MAD2L2: variants seen among roughly 807,000 people sequenced by gnomAD.
MAD2L2 encodes mitotic arrest deficient 2 like 2, also known as mitotic spindle assembly checkpoint protein MAD2B.
Under a neutral mutation model 30.5 loss-of-function variants are expected in MAD2L2, and 17 were observed. That is an observed-to-expected ratio of 0.56 (90% CI 0.38 to 0.84). The LOEUF is 0.84. Among genes scored for constraint, MAD2L2 ranks in the 40% least tolerant of loss-of-function variants. The pLI is 0.00. For synonymous variants in MAD2L2, 101 were observed against 113.9 expected (o/e 0.89, Z 0.72); for missense variants, 213 against 277.4 (o/e 0.77, Z 1.65).
At chr1:11,686,567 A>AT (rs1435256060) in intron 1 of MAD2L2, among the ~76,000 whole-genome samples, 2 of 152,050 alleles carry the variant, frequency 1.3e-5, no homozygotes, top group South Asian at 4.2e-4. Context: ...CGCCTAGCTA[A>AT]TTTTTTTGTA....
At chr1:11,679,969 G>A (rs1055941625) in intron 3 of MAD2L2, among the ~76,000 whole-genome samples, 3 of 149,510 alleles carry the variant, frequency 2.0e-5, no homozygotes, top group African/African-American at 7.4e-5. Context: ...AGGTGGCTTG[G>A]CCCGAAGTGG....
At position 11,675,704 on chromosome 1, in the gene MAD2L2, G is replaced by A. The variant is rs139303308; in HGVS notation, c.455C>T (p.Thr152Met). 21 of 1,613,942 alleles carry A rather than the reference G, an allele frequency of 1.3e-5. No homozygotes were observed. In the African/African-American group the frequency reaches 2.0e-4, roughly 15 times the overall value. ...PGCTFTVLVHTREAATRNMEK... is the reference protein window; with the variant it reads ...PGCTFTVLVHMREAATRNMEK... ...CATGTTGCGAGTGGCGGCTTCTCTC[G>A]TGTGCACCAGGACTGTGAAGGTACA... The change falls in exon 7 of 9, where the codon ACG becomes ATG. Residue 152 changes from threonine (T) to methionine (M), a missense_variant. Physicochemically the swap from Thr to Met is moderately conservative, Grantham distance 81. Transcript: ENST00000376692.
At chr1:11,689,526 G>A (rs1388110282) in intron 1 of MAD2L2, among the ~76,000 whole-genome samples, 1 of 152,262 alleles carries the variant, frequency 6.6e-6, no homozygotes, top group East Asian at 1.9e-4. Context: ...AACCCGGGAG[G>A]TGGAGGTTGC....
chr1:11,676,966 C>G lies in MAD2L2; in HGVS notation c.232-18G>C. 6.3e-7 allele frequency: 1 copy of G among 1,593,922 alleles called. No homozygotes were observed. The highest frequency in any genetic ancestry group is 8.6e-7 in the Non-Finnish European group (1 of 1,161,700). On this transcript the variant is annotated intron_variant, in intron 4 of 8. Transcript: ENST00000376692. ...ACATCATTCTGCAAAGAGAGGAACCCCCACTGCAGAGCCAGGCACCCCACC... is the reference window on the plus strand; with the variant it reads ...ACATCATTCTGCAAAGAGAGGAACCGCCACTGCAGAGCCAGGCACCCCACC...
chr1:11,677,029 G>A, intron 4 of MAD2L2, 81 bp from the exon 5 acceptor site: 1 of 1,093,790 alleles, frequency 9.1e-7, no homozygotes, highest in South Asian at 1.3e-5. Context: ...CTTGCCCAAG[G>A]AAGGAGGAGA....
At chr1:11,677,736 C>A (rs1311441744) in intron 3 of MAD2L2, 122 bp from the exon 4 acceptor site, 1 of 745,830 alleles carries the variant, frequency 1.3e-6, no homozygotes, top group Non-Finnish European at 2.2e-6. Context: ...TCCAGGGCTC[C>A]CTACCCAGGA....
chr1:11,677,655 G>C, intron 3 of MAD2L2, 41 bp from the exon 4 acceptor site: 1 of 1,561,574 alleles, frequency 6.4e-7, no homozygotes, highest in Middle Eastern at 1.9e-4. Flanking sequence ...CCAAAGCACA[G>C]ATGGGGAAAC....
chr1:11,674,913 G>T lies in MAD2L2; in HGVS notation c.595-97C>A. On this transcript the variant is annotated intron_variant, in intron 8 of 8. Transcript: ENST00000376692. The surrounding 1 kb of genome is among the most constrained non-coding windows in gnomAD (Gnocchi z 6.1). ...CCTGGTGGGCAGACCTCCACCACAG[G>T]TGGGGCCTCGTGGCCATAGCCATGG... The T allele has an allele frequency of 1.4e-6, 2 of 1,431,522 alleles. No homozygotes were observed. The highest frequency in any genetic ancestry group is 2.0e-6 in the Non-Finnish European group (2 of 1,018,788). The allele number at this position is 1,431,522 out of a possible 1,614,324, so 88.7% of individuals were successfully genotyped here. A position where few individuals can be genotyped will look rare whatever the true frequency, so the allele number is the denominator to read the frequency against.
chr1:11,680,606 C>A lies in MAD2L2; in HGVS notation c.-5G>T, dbSNP rs759324529. 6.4e-7 allele frequency: 1 copy of A among 1,564,124 alleles called. No individual in the cohort carries two copies. The highest frequency in any genetic ancestry group is 8.7e-7 in the Non-Finnish European group (1 of 1,151,910). On this transcript the variant is annotated 5_prime_UTR_variant, in exon 2 of 9. Transcript: ENST00000376692. ...TTGTCGTGTGAGCGTGGTCATCCTT[C>A]CCGCTACCTGAGTGTTGGGGCAAGG...
intron 1 of MAD2L2, among the ~76,000 whole-genome samples, chr1:11,689,825 G>A (rs924012427): frequency 2.6e-5 from 4 of 151,904 alleles, no homozygotes; most frequent in Admixed American, 6.6e-5. Flanking sequence ...CCTGAGGTCT[G>A]GGTCAGGACC....
rs1416439839 is a variant in MAD2L2 at position 11,676,961 on chromosome 1, G to A, written c.232-13C>T. 5 of 1,600,260 alleles carry A rather than the reference G, an allele frequency of 3.1e-6. No homozygotes were observed. The African/African-American group carries it at 5.4e-5, about 17-fold the overall frequency. ...TCTCCACATCATTCTGCAAAGAGAG[G>A]AACCCCCACTGCAGAGCCAGGCACC... On this transcript the variant is annotated splice_polypyrimidine_tract_variant and intron_variant, in intron 4 of 8. Transcript: ENST00000376692.
upstream of MAD2L2, chr1:11,691,770 T>G (rs1641073499): frequency 6.7e-6 from 1 of 148,436 alleles, no homozygotes; most frequent in Non-Finnish European, 1.5e-5. Context: ...GCCGGCCCCG[T>G]TCCGCGGCTC....
Position 11,688,395 on chromosome 1 carries a change from A to C in MAD2L2, c.-692+3018T>G, listed in dbSNP as rs549423305. 1.3e-5 allele frequency among the ~76,000 whole-genome samples: 2 copies of C among 152,226 alleles called. No homozygotes were observed. Among genetic ancestry groups the C allele is most frequent in the Non-Finnish European group, 2.9e-5 (2 of 68,010 alleles). ...GCTAACATGGGGAAACTCTGTCTCT[A>C]CTAAAAATACAAAAAATTAGCCAGG... On this transcript the variant is annotated intron_variant, in intron 1 of 10. Transcript: ENST00000235310. The surrounding 1 kb of genome is among the most constrained non-coding windows in gnomAD (Gnocchi z 4.6).
upstream of MAD2L2, among the ~76,000 whole-genome samples, chr1:11,682,233 A>G (rs1178779680): frequency 1.3e-5 from 2 of 152,106 alleles, no homozygotes; most frequent in African/African-American, 2.4e-5. Flanking sequence ...CAGGGCTTCC[A>G]CTTATTTACA....
chr1:11,676,097 A>C lies in MAD2L2; in HGVS notation c.376T>G (p.Phe126Val). ...LSHVEQLLRA[F>V]ILKISVCDAV... The stretch of plus-strand genomic sequence containing the variant: ...TCGCACACGCTGATCTTCAGGATGA[A>C]GGCCCGGAGCAGCTGCTCCACATGA... Residue 126 changes from phenylalanine (F) to valine (V), a missense_variant, in exon 6 of 9, where the codon TTC becomes GTC. By Grantham distance (50) the Phe-to-Val change is conservative. Transcript: ENST00000376692. 1 of 1,611,974 alleles carries C rather than the reference A, an allele frequency of 6.2e-7. No individual in the cohort carries two copies. Among genetic ancestry groups the C allele is most frequent in the African/African-American group, 1.3e-5 (1 of 74,998 alleles).
At chr1:11,680,662 C>A in intron 1 of MAD2L2, 49 bp from the exon 2 acceptor site, 1 of 1,508,616 alleles carries the variant, frequency 6.6e-7, no homozygotes, top group East Asian at 2.3e-5. Context: ...CCCAGGAGCC[C>A]AGAACCCGCT....
At chr1:11,675,993 C>A (rs1640761389) in intron 6 of MAD2L2, 53 bp downstream of exon 6, 1 of 1,486,940 alleles carries the variant, frequency 6.7e-7, no homozygotes, top group Admixed American at 1.7e-5. Flanking sequence ...CACAGACCAA[C>A]CCGAGATAAC....
chr1:11,677,296 C>T (rs1006308817), intron 4 of MAD2L2: 56 of 596,064 alleles, frequency 9.4e-5, no homozygotes, highest in Non-Finnish European at 1.5e-4. Context: ...TCTGGGGCAG[C>T]CCCTACTTAG....
upstream of MAD2L2, among the ~76,000 whole-genome samples, chr1:11,683,709 C>T (rs1032805360): frequency 6.6e-5 from 10 of 152,010 alleles, no homozygotes; most frequent in Admixed American, 2.6e-4. Context: ...GGGTGGCTCA[C>T]GCCTGTAATC....
Sources: gnomAD v4.1 joint callset for allele counts (sites outside exome capture counted in the v4.1 genomes callset) on GRCh38, gnomAD v4.1.1 for gene constraint, Gnocchi (gnomAD v3.1) non-coding constraint, MANE v1.5 for transcripts, NCBI Gene and HGNC (gene_info 2026-07-23, HGNC 2026-07-21) for gene names.